Variants in TUSC3 observed in about 807,000 individuals in gnomAD.
The protein encoded by TUSC3 is tumor suppressor candidate 3, also known as dolichyl-diphosphooligosaccharide--protein glycosyltransferase subunit TUSC3.
TUSC3 carries 45 observed loss-of-function variants against 44.8 expected under a neutral mutation model. That is an observed-to-expected ratio of 1.00 (90% CI 0.79 to 1.29). TUSC3 has a LOEUF of 1.29. Ranked by LOEUF, TUSC3 falls within the 50% of genes most tolerant of loss-of-function variation. TUSC3 has a pLI of 0.00. For synonymous variants in TUSC3, 212 were observed against 152.9 expected, an observed-to-expected ratio of 1.39 and a Z score of -2.85; for missense variants, 519 against 437.9, an observed-to-expected ratio of 1.19 and a Z score of -1.65.
chr8:15,666,898 G>A (rs66892516), intron 5 of TUSC3, among the ~76,000 whole-genome samples: 30,990 of 151,148 alleles, frequency 0.21, 4,044 homozygotes, highest in Non-Finnish European at 0.3. Flanking sequence ...AAATGAATTC[G>A]TATATTTTTA....
intron 1 of TUSC3, among the ~76,000 whole-genome samples, chr8:15,455,060 A>T (rs746348994): frequency 1.3e-5 from 2 of 152,154 alleles, no homozygotes; most frequent in African/African-American, 4.8e-5. Flanking sequence ...GAAGATGATG[A>T]CTTTGACCTG....
chr8:15,764,520 G>T lies in TUSC3; in HGVS notation c.*364G>T, dbSNP rs111425809. 128 of 306,998 alleles carry T rather than the reference G, an allele frequency of 4.2e-4. 1 individual carries two copies. The highest frequency in any genetic ancestry group is 2.7e-3 in the African/African-American group (123 of 46,210). The allele number at this position is 306,998 out of a possible 1,614,324, so 19.0% of individuals were successfully genotyped here. On this transcript the variant is annotated 3_prime_UTR_variant, in exon 11 of 11. Transcript: ENST00000503731. ...TTAGAGCTGTTTACTCATTAGTAAAGGACCGCAATGTTAGTAAAGAAAACC... is the reference window on the plus strand; with the variant it reads ...TTAGAGCTGTTTACTCATTAGTAAATGACCGCAATGTTAGTAAAGAAAACC...
chr8:15,435,184 C>T (rs535767631), intron 1 of TUSC3, among the ~76,000 whole-genome samples: 1 of 151,170 alleles, frequency 6.6e-6, no homozygotes. Flanking sequence ...TCTCCACATC[C>T]TCTCCAGCAC....
At chr8:15,570,889 A>G (rs1802845743) in intron 1 of TUSC3, among the ~76,000 whole-genome samples, 1 of 148,236 alleles carries the variant, frequency 6.7e-6, no homozygotes, top group African/African-American at 2.5e-5. Flanking sequence ...TGTTCAAAAT[A>G]TATATTTGAT....
chr8:15,661,994 A>T (rs1013055993), intron 4 of TUSC3, among the ~76,000 whole-genome samples, 162 bp from the exon 5 acceptor site: 3 of 152,036 alleles, frequency 2.0e-5, no homozygotes, highest in African/African-American at 7.2e-5. Flanking sequence ...GTCTTAAGGC[A>T]TATATCTTAT....
chr8:15,631,261 A>G (rs914711288), intron 2 of TUSC3, among the ~76,000 whole-genome samples: 3 of 152,188 alleles, frequency 2.0e-5, no homozygotes, highest in Non-Finnish European at 2.9e-5. Flanking sequence ...TTGAAGGCAT[A>G]TGACGTAACT....
At chr8:15,538,496 G>A (rs560055292), upstream of TUSC3, among the ~76,000 whole-genome samples, 11 of 152,176 alleles carry the variant, frequency 7.2e-5, no homozygotes, top group Non-Finnish European at 1.2e-4. Flanking sequence ...TGACTGTAGA[G>A]CCAGACTGTC....
At chr8:15,757,689 G>T (rs1251747715) in intron 9 of TUSC3, 102 bp from the exon 10 acceptor site, 2 of 1,412,842 alleles carry the variant, frequency 1.4e-6, no homozygotes, top group Non-Finnish European at 2.0e-6. Flanking sequence ...TCTAGATAAA[G>T]AATGTAGTGC....
At chr8:15,597,063 A>G (rs927182815) in intron 1 of TUSC3, among the ~76,000 whole-genome samples, 6 of 152,128 alleles carry the variant, frequency 3.9e-5, no homozygotes, top group African/African-American at 7.2e-5. Flanking sequence ...TTGTCTGAGA[A>G]TGTCAGCAGG....
At chr8:15,725,603 C>CTGA (rs56849270) in intron 6 of TUSC3, among the ~76,000 whole-genome samples, 9,819 of 151,262 alleles carry the variant, frequency 0.065, 685 homozygotes, top group African/African-American at 0.18. Flanking sequence ...TCTTAGATGA[C>CTGA]TGATGATGAT....
At chr8:15,586,612 A>G (rs746487882) in intron 1 of TUSC3, among the ~76,000 whole-genome samples, 4 of 152,130 alleles carry the variant, frequency 2.6e-5, no homozygotes, top group Non-Finnish European at 4.4e-5. Context: ...TGTGAATGCA[A>G]ATCATTTGGA....
intron 1 of TUSC3, among the ~76,000 whole-genome samples, chr8:15,574,287 A>G (rs924891112): frequency 1.3e-5 from 2 of 151,980 alleles, no homozygotes; most frequent in Non-Finnish European, 2.9e-5. Context: ...CACCTTTTGC[A>G]TTCTTCATCG....
rs185354829 is a variant in TUSC3 at position 15,729,615 on chromosome 8, G to A, written c.799-1051G>A. Among the ~76,000 whole-genome samples the A allele has an allele frequency of 6.2e-3, 937 of 152,240 alleles. 5 individuals carry two copies. Among genetic ancestry groups the A allele is most frequent in the African/African-American group, 0.022 (895 of 41,554 alleles). ...TCCTAAGCAAATTAATGCAGTAACA[G>A]AAAACCAAGTACCACATCTTAACTT... On this transcript the variant is annotated intron_variant, in intron 6 of 10. Coordinates refer to ENST00000503731, the MANE Select transcript of TUSC3 (RefSeq NM_006765.4).
chr8:15,474,758 T>C (rs867994475), intron 1 of TUSC3, among the ~76,000 whole-genome samples: 18 of 152,272 alleles, frequency 1.2e-4, no homozygotes, highest in South Asian at 6.2e-4. Context: ...CAAAAATAAG[T>C]GAAATAGCCA....
the TUSC3 span, among the ~76,000 whole-genome samples, chr8:15,804,241 T>A: frequency 6.6e-6 from 1 of 152,230 alleles, no homozygotes; most frequent in African/African-American, 2.4e-5. Context: ...TGATCACCAT[T>A]CTAACTGGTG....
At chr8:15,429,973 A>G (rs1303435868) in intron 1 of TUSC3, among the ~76,000 whole-genome samples, 3 of 151,698 alleles carry the variant, frequency 2.0e-5, no homozygotes, top group Admixed American at 2.0e-4. Flanking sequence ...AGCCTCTGAA[A>G]TTGAGGCAAT....
At chr8:15,566,735 C>T (rs118112086) in intron 1 of TUSC3, among the ~76,000 whole-genome samples, 4,072 of 151,968 alleles carry the variant, frequency 0.027, 201 homozygotes, top group East Asian at 0.22. Flanking sequence ...GCAATCCTCC[C>T]GCGTTAGTCT....
At chr8:15,659,761 C>A in intron 4 of TUSC3, 114 bp downstream of exon 4, 7 of 1,404,682 alleles carry the variant, frequency 5.0e-6, no homozygotes, top group Non-Finnish European at 6.9e-6. Context: ...TTTCTCCTTG[C>A]ATAGAGAAAA....
At chr8:15,490,671 T>C (rs887118906) in intron 2 of TUSC3, among the ~76,000 whole-genome samples, 20 of 152,226 alleles carry the variant, frequency 1.3e-4, no homozygotes, top group African/African-American at 4.3e-4. Flanking sequence ...TGCTGATTTA[T>C]GTGTGACAAA....
Sources: allele counts gnomAD v4.1 joint callset (sites outside exome capture counted in the v4.1 genomes callset), GRCh38; gene constraint gnomAD v4.1.1; transcripts MANE v1.5; gene names NCBI Gene and HGNC (gene_info 2026-07-23, HGNC 2026-07-21).